The following MACROD1 variants were observed in gnomAD, a reference collection of about 807,000 sequenced individuals.
MACROD1 encodes the protein ADP-ribose glycohydrolase MACROD1.
MACROD1 carries 31 observed loss-of-function variants against 41.4 expected under a neutral mutation model. The observed-to-expected ratio is 0.75, with a 90% CI of 0.56 to 1.01. The LOEUF (loss-of-function observed/expected upper bound fraction) is 1.01. Among genes scored for constraint, MACROD1 ranks in the 50% least tolerant of loss-of-function variants. The pLI is 0.00. For synonymous variants in MACROD1, 252 were observed against 203.4 expected (o/e 1.24, Z -2.03); for missense variants, 473 against 460.0 (o/e 1.03, Z -0.26).
At chr11:64,123,134 G>A (rs918899902) in intron 3 of MACROD1, among the ~76,000 whole-genome samples, 1 of 152,194 alleles carries the variant, frequency 6.6e-6, no homozygotes, top group Non-Finnish European at 1.5e-5. Flanking sequence ...AGGAGGGGCC[G>A]GGCGCAGGGA....
At position 64,009,356 on chromosome 11, in the gene MACROD1, G is replaced by A. The variant is rs73496090; in HGVS notation, c.547+5896C>T. ...TCGGGAAGGCTGGCAGCTGCCCCAAGCCCATCAAGCCTTCCTGAAGCAGAC... is the reference window on the plus strand; with the variant it reads ...TCGGGAAGGCTGGCAGCTGCCCCAAACCCATCAAGCCTTCCTGAAGCAGAC... On this transcript the variant is annotated intron_variant, in intron 4 of 10. Transcript: ENST00000255681. 6.9e-3 allele frequency among the ~76,000 whole-genome samples: 1,049 copies of A among 152,306 alleles called. 8 individuals are homozygous for A. Among genetic ancestry groups the A allele is most frequent in the African/African-American group, 0.024 (1,000 of 41,576 alleles).
rs1188946451 is a variant in MACROD1, at chr11:64,122,745, T to C, written c.517+28494A>G. 6.6e-6 allele frequency among the ~76,000 whole-genome samples: 1 copy of C among 152,160 alleles called. No homozygotes were observed. The highest frequency in any genetic ancestry group is 1.5e-5 in the Non-Finnish European group (1 of 68,026). On this transcript the variant is annotated intron_variant, in intron 3 of 10. Coordinates refer to ENST00000255681, the MANE Select transcript of MACROD1 (RefSeq NM_014067.4). This position sits in a 1 kb window ranked among gnomAD's most constrained non-coding sequence, Gnocchi z 4.0. ...AGGCCAAGTGGGGGCCCTTCCCCGC[T>C]GCTGGTGCTGAAAGGTTCTAGCTGG...
chr11:64,136,845 C>T (rs562172306), intron 3 of MACROD1, among the ~76,000 whole-genome samples: 49 of 152,240 alleles, frequency 3.2e-4, no homozygotes, highest in Middle Eastern at 3.2e-3. Context: ...GGAGCCCCTC[C>T]CTGCACAGGG....
rs1189315880 is a variant in MACROD1, at chr11:63,998,988, A to G, written c.940T>C (p.Tyr314His). 2 of 1,608,436 alleles carry G rather than the reference A, an allele frequency of 1.2e-6. No individual in the cohort carries two copies. Among genetic ancestry groups the G allele is most frequent in the Non-Finnish European group, 1.7e-6 (2 of 1,178,240 alleles). Residue 314 changes from tyrosine (Y) to histidine (H), a missense_variant, in exon 9 of 11, where the codon TAC becomes CAC. Physicochemically the swap from Tyr to His is moderately conservative, Grantham distance 83. Transcript: ENST00000255681. ...AAGTAGTGGGGGAGCCGGCTCCGGTAGATGTCCTCGTCCTTCTCGAGGAAC... is the reference window on the plus strand; with the variant it reads ...AAGTAGTGGGGGAGCCGGCTCCGGTGGATGTCCTCGTCCTTCTCGAGGAAC... ...CVFLEKDEDI[Y>H]RSRLPHYFPV...
chr11:63,999,075 G>T, intron 8 of MACROD1, 39 bp from the exon 9 acceptor site: 1 of 1,551,976 alleles, frequency 6.4e-7, no homozygotes, highest in Non-Finnish European at 8.7e-7. Context: ...GAGCTGCCAC[G>T]CCTGGCCCCA....
chr11:64,117,198 C>G, intron 3 of MACROD1: 1 of 1,614,132 alleles, frequency 6.2e-7, no homozygotes. Context: ...CACGCTGCCC[C>G]GCGGCCTGTT....
At chr11:64,106,315 G>A (rs1209959639) in intron 3 of MACROD1, among the ~76,000 whole-genome samples, 2 of 152,116 alleles carry the variant, frequency 1.3e-5, no homozygotes, top group African/African-American at 4.8e-5. Flanking sequence ...GTGGGCTGTA[G>A]GAAGGCCAGC....
chr11:63,999,430 T>G (rs779934895), intron 7 of MACROD1, 26 bp from the exon 8 acceptor site: 2 of 1,556,332 alleles, frequency 1.3e-6, no homozygotes, highest in African/African-American at 1.4e-5. Context: ...CGGGAGTGAG[T>G]CCTAGGCTCT....
At chr11:64,156,049 G>A (rs886738067) in intron 1 of MACROD1, among the ~76,000 whole-genome samples, 7 of 150,082 alleles carry the variant, frequency 4.7e-5, no homozygotes, top group South Asian at 2.1e-4. Context: ...CGGAGGTTGC[G>A]GTGAGCTGAG....
chr11:64,017,776 C>T (rs1047373983), intron 3 of MACROD1, among the ~76,000 whole-genome samples: 22 of 152,220 alleles, frequency 1.4e-4, no homozygotes, highest in African/African-American at 5.3e-4. Flanking sequence ...TCCTCGGGAC[C>T]CCCCCACCTC....
At chr11:64,158,390 ATTTCT>A (rs919466718) in intron 1 of MACROD1, among the ~76,000 whole-genome samples, 13 of 152,080 alleles carry the variant, frequency 8.5e-5, no homozygotes, top group East Asian at 1.9e-4. Context: ...ATATAAAATC[ATTTCT>A]TTTCTTTTCT....
intron 3 of MACROD1, among the ~76,000 whole-genome samples, chr11:64,137,621 G>A (rs959525091): frequency 2.9e-4 from 44 of 152,120 alleles, no homozygotes; most frequent in Non-Finnish European, 5.9e-5. Flanking sequence ...GATACCAGGA[G>A]CCAAGATACC....
At chr11:64,150,744 G>A (rs1296105921) in intron 3 of MACROD1, among the ~76,000 whole-genome samples, 1 of 152,204 alleles carries the variant, frequency 6.6e-6, no homozygotes, top group African/African-American at 2.4e-5. Context: ...CCAGCAAGAG[G>A]CGAGCGCAGG....
At chr11:64,012,766 C>T (rs549161237) in intron 4 of MACROD1, among the ~76,000 whole-genome samples, 1 of 152,236 alleles carries the variant, frequency 6.6e-6, no homozygotes, top group African/African-American at 2.4e-5. Context: ...GAACTCTTGA[C>T]CTGAGGTGAT....
At chr11:64,113,798 T>C (rs1310402808) in intron 3 of MACROD1, among the ~76,000 whole-genome samples, 15 of 133,462 alleles carry the variant, frequency 1.1e-4, no homozygotes, top group African/African-American at 4.0e-4. Context: ...GGTGCATGCA[T>C]GATGGATGAA....
At position 64,006,018 on chromosome 11, in the gene MACROD1, G is replaced by A. The variant is rs1942904908; in HGVS notation, c.548-5675C>T. Among the ~76,000 whole-genome samples the A allele has an allele frequency of 2.0e-5, 3 of 152,210 alleles. No individual in the cohort carries two copies. In the South Asian group the frequency reaches 6.2e-4, roughly 31 times the overall value. On this transcript the variant is annotated intron_variant, in intron 4 of 10. Coordinates refer to ENST00000255681, the MANE Select transcript of MACROD1 (RefSeq NM_014067.4). ...TGCTGGTTTCCCTCTCTGGAGGAGG[G>A]CTACAGAAATACCAGATGCCAAGGC...
At chr11:64,097,076 G>C (rs1005109307) in intron 3 of MACROD1, among the ~76,000 whole-genome samples, 45 of 152,364 alleles carry the variant, frequency 3.0e-4, no homozygotes, top group African/African-American at 8.2e-4. Context: ...TGCTGCCCGG[G>C]GATGGCGGTG....
chr11:64,110,899 C>T (rs576627674), intron 3 of MACROD1, among the ~76,000 whole-genome samples: 1 of 152,328 alleles, frequency 6.6e-6, no homozygotes, highest in East Asian at 1.9e-4. Context: ...CCTCCCCACC[C>T]CCAGGTCCCG....
At chr11:64,028,200 GA>G (rs1277126434) in intron 3 of MACROD1, among the ~76,000 whole-genome samples, 1 of 151,888 alleles carries the variant, frequency 6.6e-6, no homozygotes, top group Non-Finnish European at 1.5e-5. Flanking sequence ...GTGGGGTGGG[GA>G]CCAGGCCTTC....
Sources: allele counts gnomAD v4.1 joint callset (sites outside exome capture counted in the v4.1 genomes callset), GRCh38; gene constraint gnomAD v4.1.1; non-coding constraint Gnocchi (gnomAD v3.1); transcripts MANE v1.5; gene names NCBI Gene and HGNC (gene_info 2026-07-23, HGNC 2026-07-21).